Variants in AHNAK observed in about 807,000 individuals in gnomAD.
AHNAK encodes neuroblast differentiation-associated protein AHNAK.
In AHNAK, 23 loss-of-function variants were observed where a neutral mutation model predicts 37.8. That is an observed-to-expected ratio of 0.61 (90% CI 0.44 to 0.86). The LOEUF (loss-of-function observed/expected upper bound fraction) is 0.86, where lower values mean the gene tolerates loss of function less well. Among genes scored for constraint, AHNAK ranks in the 40% least tolerant of loss-of-function variants. AHNAK has a pLI of 0.00. For missense variants in AHNAK, 7,411 were observed against 7,319.4 expected, an observed-to-expected ratio of 1.01 and a Z score of -0.46; for synonymous variants, 2,481 against 2,636.3, an observed-to-expected ratio of 0.94 and a Z score of 1.80.
rs550592863 is a variant in AHNAK, at chr11:62,456,098, G to C, written c.443-22207C>G. Among the ~76,000 whole-genome samples the C allele has an allele frequency of 3.3e-5, 5 of 152,230 alleles. No homozygotes were observed. The East Asian group carries it at 9.7e-4, about 29-fold the overall frequency. ...GAGACACCAGGGGTACACAAGCACAGAGGCAAAAGCATGTGAGGACGCAGG... is the reference window on the plus strand; with the variant it reads ...GAGACACCAGGGGTACACAAGCACACAGGCAAAAGCATGTGAGGACGCAGG... On this transcript the variant is annotated intron_variant, in intron 5 of 5. Transcript: ENST00000257247.
intron 5 of AHNAK, among the ~76,000 whole-genome samples, chr11:62,473,295 G>A (rs1003721418): frequency 1.3e-5 from 2 of 150,258 alleles, no homozygotes; most frequent in African/African-American, 4.9e-5. Flanking sequence ...TACTTGAGGG[G>A]CTGAGGCAGG....
At chr11:62,545,315 C>T (rs996767468) in intron 1 of AHNAK, among the ~76,000 whole-genome samples, 2 of 152,238 alleles carry the variant, frequency 1.3e-5, no homozygotes, top group Non-Finnish European at 2.9e-5. Context: ...GTTGTGGGGC[C>T]TCGGCTACAG....
chr11:62,466,462 A>G (rs1938913899), intron 5 of AHNAK, among the ~76,000 whole-genome samples: 1 of 140,042 alleles, frequency 7.1e-6, no homozygotes, highest in Admixed American at 7.8e-5. Flanking sequence ...CCAAAAGTAA[A>G]GTTTTGATTT....
At position 62,533,718 on chromosome 11, in the gene AHNAK, T is replaced by A; in HGVS notation, c.699A>T (p.Gly233=). The A allele has an allele frequency of 6.2e-7, 1 of 1,614,050 alleles. No homozygotes were observed. The highest frequency in any genetic ancestry group is 8.5e-7 in the Non-Finnish European group (1 of 1,180,008). ...AGTGGCCAGCACCTTGGAGCTCTGG[T>A]CCTGAAGCAGAAATGGCCCCTGCTC... ...DIRAGAISAS[G]PELQGAGHSK... Residue 233 remains glycine, a synonymous_variant, in exon 5 of 5, where the codon GGA becomes GGT. Coordinates refer to ENST00000378024, the MANE Select transcript of AHNAK (RefSeq NM_001620.3).
At chr11:62,476,751 C>T (rs183071868) in intron 5 of AHNAK, among the ~76,000 whole-genome samples, 2 of 152,258 alleles carry the variant, frequency 1.3e-5, no homozygotes, top group African/African-American at 2.4e-5. Context: ...CGACAACTGT[C>T]GATGACCGGT....
At chr11:62,437,378 C>T (rs548942334) in intron 5 of AHNAK, among the ~76,000 whole-genome samples, 10 of 152,250 alleles carry the variant, frequency 6.6e-5, no homozygotes, top group South Asian at 2.1e-4. Context: ...TGTTTTGAGA[C>T]GGAGTCTCAC....
At chr11:62,496,612 T>C (rs1451484997) in intron 4 of AHNAK, among the ~76,000 whole-genome samples, 4 of 152,044 alleles carry the variant, frequency 2.6e-5, no homozygotes, top group Non-Finnish European at 5.9e-5. Flanking sequence ...CTGATCAACA[T>C]AGTGAAACCC....
intron 5 of AHNAK, among the ~76,000 whole-genome samples, chr11:62,446,425 T>C (rs922962812): frequency 6.6e-6 from 1 of 152,176 alleles, no homozygotes; most frequent in African/African-American, 2.4e-5. Context: ...CATGACTATA[T>C]ACTGGGTGGT....
chr11:62,539,968 G>C (rs540684423), intron 1 of AHNAK, among the ~76,000 whole-genome samples: 1 of 152,370 alleles, frequency 6.6e-6, no homozygotes, highest in Non-Finnish European at 1.5e-5. Context: ...CCCATTCTCT[G>C]CATTTGGGTC....
At position 62,524,436 on chromosome 11, in the gene AHNAK, C is replaced by T; in HGVS notation, c.9981G>A (p.Leu3327=). 1 of 1,613,672 alleles carries T rather than the reference C, an allele frequency of 6.2e-7. No homozygotes were observed. The highest frequency in any genetic ancestry group is 8.5e-7 in the Non-Finnish European group (1 of 1,179,904). ...KLEGDIKAPS[L]DIKGPEVDVS... is the part of the protein sequence containing the mutation. ...CGTCCACTTCTGGGCCCTTTATATC[C>T]AAACTGGGAGCTTTAATGTCACCTT... The change falls in exon 5 of 5, where the codon TTG becomes TTA. Residue 3327 remains leucine, a synonymous_variant. Coordinates refer to ENST00000378024, the MANE Select transcript of AHNAK (RefSeq NM_001620.3).
intron 5 of AHNAK, among the ~76,000 whole-genome samples, chr11:62,475,082 C>A (rs1440052879): frequency 6.6e-6 from 1 of 152,172 alleles, no homozygotes; most frequent in Non-Finnish European, 1.5e-5. Flanking sequence ...GTGGGCGGAT[C>A]ACCTGAGGTC....
Position 62,522,165 on chromosome 11 carries a change from C to A in AHNAK, c.12252G>T (p.Leu4084Phe), listed in dbSNP as rs1406162434. The A allele has an allele frequency of 6.2e-7, 1 of 1,613,494 alleles. No individual in the cohort carries two copies. The highest frequency in any genetic ancestry group is 2.2e-5 in the East Asian group (1 of 44,838). ...CTGAGACATCAATGTCAGCTTTGGG[C>A]AAATTAACATCCACTTCTGGGCCCT... The part of the protein sequence containing the change: ...KGEGPEVDVN[L>F]PKADIDVSGP... Residue 4084 changes from leucine to phenylalanine, a missense_variant, in exon 5 of 5, where the codon TTG becomes TTT. By Grantham distance (22) the Leu-to-Phe change is conservative. Coordinates refer to ENST00000378024, the MANE Select transcript of AHNAK (RefSeq NM_001620.3).
Position 62,529,747 on chromosome 11 carries a change from GC to G in AHNAK, c.4669del (p.Ala1557LeufsTer6). 6.2e-7 allele frequency: 1 copy of G among 1,614,106 alleles called. No homozygotes were observed. The highest frequency in any genetic ancestry group is 8.5e-7 in the Non-Finnish European group (1 of 1,180,032). On this transcript the variant is annotated frameshift_variant, in exon 5 of 5. Transcript: ENST00000378024. LOFTEE classifies it low-confidence loss of function (END_TRUNC). Reference protein sequence around the residue: ...DIDVPDVNLEAPEGKLKGPKF... With the variant: ...DIDVPDVNLEXPEGKLKGPKF... ...AGGGCCTTTTAGTTTCCCCTCTGGA[GC>G]TTCAAGATTCACATCTGGAACATCA...
Position 62,520,890 on chromosome 11 carries a change from C to G in AHNAK, c.13527G>C (p.Met4509Ile), listed in dbSNP as rs150703227. 1 of 1,614,030 alleles carries G rather than the reference C, an allele frequency of 6.2e-7. No individual in the cohort carries two copies. Among genetic ancestry groups the G allele is most frequent in the Non-Finnish European group, 8.5e-7 (1 of 1,180,044 alleles). Residue 4509 changes from methionine to isoleucine, a missense_variant, in exon 5 of 5, where the codon ATG becomes ATC. Coordinates refer to ENST00000378024, the MANE Select transcript of AHNAK (RefSeq NM_001620.3). ...GTGGGCTTTTGAAATGTACATCAGGCATCTTAAACTTGGGACCTTTGAGCT... is the reference window on the plus strand; with the variant it reads ...GTGGGCTTTTGAAATGTACATCAGGGATCTTAAACTTGGGACCTTTGAGCT... ...EGKLKGPKFK[M>I]PDVHFKSPQI...
At chr11:62,462,133 C>T (rs1938802522) in intron 5 of AHNAK, among the ~76,000 whole-genome samples, 1 of 152,158 alleles carries the variant, frequency 6.6e-6, no homozygotes, top group Non-Finnish European at 1.5e-5. Context: ...CACCCTAGAG[C>T]CTGCTGGCAC....
At chr11:62,506,528 C>T (rs2134178443) in intron 4 of AHNAK, among the ~76,000 whole-genome samples, 1 of 152,224 alleles carries the variant, frequency 6.6e-6, no homozygotes, top group East Asian at 1.9e-4. Context: ...CCTGCAGCCC[C>T]CTTGCATTTT....
intron 5 of AHNAK, among the ~76,000 whole-genome samples, chr11:62,475,323 C>G (rs1287100714): frequency 2.0e-5 from 3 of 151,968 alleles, no homozygotes; most frequent in Non-Finnish European, 2.9e-5. Context: ...GTGGGGGGAC[C>G]CCTGCAGCCA....
chr11:62,542,402 G>A (rs890333896), intron 1 of AHNAK, among the ~76,000 whole-genome samples: 1 of 152,058 alleles, frequency 6.6e-6, no homozygotes, highest in Non-Finnish European at 1.5e-5. Context: ...CCACCAGGAG[G>A]AAGTTTTTCC....
At chr11:62,512,917 GAGGA>G (rs761959237), downstream of AHNAK, among the ~76,000 whole-genome samples, 211 of 150,992 alleles carry the variant, frequency 1.4e-3, no homozygotes, top group Middle Eastern at 3.4e-3. The surrounding 1 kb of genome is among the most constrained non-coding windows in gnomAD (Gnocchi z 4.0). Context: ...GAAGGCAAGG[GAGGA>G]AGGAAGGAAG....
Sources: allele counts gnomAD v4.1 joint callset (sites outside exome capture counted in the v4.1 genomes callset), GRCh38; gene constraint gnomAD v4.1.1; non-coding constraint Gnocchi (gnomAD v3.1); transcripts MANE v1.5; gene names NCBI Gene and HGNC (gene_info 2026-07-23, HGNC 2026-07-21).